CTNND2: variants seen among roughly 807,000 people sequenced by gnomAD.
The protein encoded by CTNND2 is catenin delta 2, also known as catenin delta-2.
CTNND2 carries 22 observed loss-of-function variants against 144.4 expected under a neutral mutation model. That is an observed-to-expected ratio of 0.15 (90% CI 0.11 to 0.22). The LOEUF (loss-of-function observed/expected upper bound fraction) is 0.22. CTNND2 is among the 10% of genes least tolerant of loss of function. The pLI is 1.00. For synonymous variants in CTNND2, 751 were observed against 695.6 expected (o/e 1.08, Z -1.25); for missense variants, 1,353 against 1,618.8 (o/e 0.84, Z 2.82).
chr5:11,183,562 T>G (rs996352127), intron 11 of CTNND2, among the ~76,000 whole-genome samples: 5 of 136,408 alleles, frequency 3.7e-5, no homozygotes, highest in Middle Eastern at 3.6e-3. Context: ...TTTTTTTTGG[T>G]TTTTTTTTTT....
chr5:11,553,066 C>T (rs1484796674), intron 3 of CTNND2, among the ~76,000 whole-genome samples: 1 of 152,182 alleles, frequency 6.6e-6, no homozygotes, highest in African/African-American at 2.4e-5. Context: ...TTGCTGTTTG[C>T]TGTTTGAAGA....
chr5:11,883,541 C>T (rs6554654), intron 1 of CTNND2, among the ~76,000 whole-genome samples: 147,015 of 152,292 alleles, frequency 0.97, 71,056 homozygotes, highest in East Asian at 1. Context: ...TAGTATTCCA[C>T]GGTGTATATG....
intron 9 of CTNND2, among the ~76,000 whole-genome samples, chr5:11,248,684 C>G (rs1055614765): frequency 2.0e-5 from 3 of 152,142 alleles, no homozygotes; most frequent in Non-Finnish European, 4.4e-5. Context: ...CACAATGATA[C>G]AGGTAGATGC....
chr5:10,977,691 G>A (rs543518531), intron 21 of CTNND2, among the ~76,000 whole-genome samples: 3 of 152,170 alleles, frequency 2.0e-5, no homozygotes, highest in Non-Finnish European at 2.9e-5. Context: ...GAGCTCAAGC[G>A]ATCTGCCTGC....
chr5:11,754,515 A>AT (rs1426226484), intron 1 of CTNND2, among the ~76,000 whole-genome samples: 11 of 151,246 alleles, frequency 7.3e-5, no homozygotes, highest in Non-Finnish European at 1.6e-4. Context: ...AAATAACTTC[A>AT]TTATTTTCTT....
At chr5:11,744,512 G>GTTTC (rs1788193440) in intron 1 of CTNND2, among the ~76,000 whole-genome samples, 1 of 152,110 alleles carries the variant, frequency 6.6e-6, no homozygotes, top group Non-Finnish European at 1.5e-5. Flanking sequence ...AGAGCAGAGA[G>GTTTC]GAAAGGATCA....
Position 11,385,011 on chromosome 5 carries a change from G to A in CTNND2, c.831C>T (p.Pro277=). 1 of 1,472,084 alleles carries A rather than the reference G, an allele frequency of 6.8e-7. No individual in the cohort carries two copies. Among genetic ancestry groups the A allele is most frequent in the Non-Finnish European group, 8.9e-7 (1 of 1,118,844 alleles). 91.2% of individuals were successfully genotyped at this position (1,472,084 alleles called of 1,614,324 possible). Residue 277 remains proline, a synonymous_variant, in exon 7 of 22, where the codon CCC becomes CCT. Transcript: ENST00000304623. ...CCGAGCCGCCGCGCTGCAGCTTGGT[G>A]GGCGAACCGCCCTGGGGCGCGGCCA... ...SPLAAPQGGS[P]TKLQRGGSAP...
At chr5:11,058,609 C>A (rs1007630218) in intron 16 of CTNND2, among the ~76,000 whole-genome samples, 1 of 152,220 alleles carries the variant, frequency 6.6e-6, no homozygotes, top group African/African-American at 2.4e-5. Flanking sequence ...TGGGAGCCCA[C>A]ACACAGAGTC....
chr5:11,793,322 T>C (rs1791235714), intron 1 of CTNND2, among the ~76,000 whole-genome samples: 1 of 152,174 alleles, frequency 6.6e-6, no homozygotes, highest in African/African-American at 2.4e-5. Flanking sequence ...AAACCTGGAT[T>C]CATCCTTGAT....
At chr5:11,112,849 G>A (rs1224175084) in intron 13 of CTNND2, among the ~76,000 whole-genome samples, 3 of 152,068 alleles carry the variant, frequency 2.0e-5, no homozygotes, top group Admixed American at 1.3e-4. Context: ...CATATTAACA[G>A]TATCATGTAC....
chr5:11,178,554 G>A (rs1302044875), intron 11 of CTNND2, among the ~76,000 whole-genome samples: 1 of 152,188 alleles, frequency 6.6e-6, no homozygotes, highest in Non-Finnish European at 1.5e-5. Context: ...ATGAGTCCTG[G>A]TAGGAGGAGT....
chr5:11,774,541 A>G (rs1790131436), intron 1 of CTNND2, among the ~76,000 whole-genome samples: 1 of 118,768 alleles, frequency 8.4e-6, no homozygotes, highest in Non-Finnish European at 2.0e-5. Context: ...CCTAAAACTT[A>G]AAGTATAATA....
intron 9 of CTNND2, among the ~76,000 whole-genome samples, chr5:11,240,835 C>T (rs28545675): frequency 0.23 from 31,960 of 138,790 alleles, 3,696 homozygotes; most frequent in Middle Eastern, 0.3. Flanking sequence ...CACACACACC[C>T]CCCAACACAC....
At chr5:11,851,512 T>A (rs1377326896) in intron 1 of CTNND2, among the ~76,000 whole-genome samples, 2 of 152,222 alleles carry the variant, frequency 1.3e-5, no homozygotes, top group Non-Finnish European at 2.9e-5. Context: ...GTCTCACCCA[T>A]GTCCAGTCCA....
chr5:11,689,732 G>A lies in CTNND2; in HGVS notation c.174+42404C>T, dbSNP rs143569850. ...GACACTTGAGAAGCAAAAGTGGTGAGACAGTATCTTCATAAAAAAAAAGGG... is the reference window on the plus strand; with the variant it reads ...GACACTTGAGAAGCAAAAGTGGTGAAACAGTATCTTCATAAAAAAAAAGGG... On this transcript the variant is annotated intron_variant, in intron 2 of 21. Transcript: ENST00000304623. Among the ~76,000 whole-genome samples, 156 of 149,006 alleles carry A rather than the reference G, an allele frequency of 1.0e-3. 1 individual carries two copies. The highest frequency in any genetic ancestry group is 3.8e-3 in the African/African-American group (147 of 38,386).
intron 2 of CTNND2, among the ~76,000 whole-genome samples, chr5:11,646,340 G>A (rs1782349414): frequency 2.0e-5 from 3 of 152,298 alleles, no homozygotes; most frequent in Admixed American, 2.0e-4. Flanking sequence ...ATGAGGCTTA[G>A]AGAGATTAAG....
At chr5:11,227,234 GC>G (rs1170909790) in intron 10 of CTNND2, among the ~76,000 whole-genome samples, 2 of 152,158 alleles carry the variant, frequency 1.3e-5, no homozygotes, top group African/African-American at 4.8e-5. Context: ...ATACTCCTTT[GC>G]CACCTGCTCT....
At chr5:11,382,418 G>T (rs1267214754) in intron 7 of CTNND2, among the ~76,000 whole-genome samples, 1 of 152,158 alleles carries the variant, frequency 6.6e-6, no homozygotes, top group African/African-American at 2.4e-5. Flanking sequence ...GGCCCACATG[G>T]TGAAACCCAG....
intron 2 of CTNND2, among the ~76,000 whole-genome samples, chr5:11,711,137 C>A (rs779200328): frequency 6.6e-6 from 1 of 152,018 alleles, no homozygotes; most frequent in Non-Finnish European, 1.5e-5. Context: ...CTCACTGCAA[C>A]CTCTGCCTCC....
Sources: allele counts gnomAD v4.1 joint callset (sites outside exome capture counted in the v4.1 genomes callset), GRCh38; gene constraint gnomAD v4.1.1; transcripts MANE v1.5; gene names NCBI Gene and HGNC (gene_info 2026-07-23, HGNC 2026-07-21).